ATP11A: variants seen among roughly 807,000 people sequenced by gnomAD.
ATP11A encodes phospholipid-transporting ATPase IH.
A neutral mutation model predicts 154.4 loss-of-function variants in ATP11A; 81 were observed. That is an observed-to-expected ratio of 0.52 (90% confidence interval 0.44 to 0.63). The LOEUF is 0.63. ATP11A is among the 30% of genes least tolerant of loss of function. ATP11A has a pLI of 0.00. For synonymous variants in ATP11A, 623 were observed against 585.9 expected (o/e 1.06, Z -0.91); for missense variants, 1,316 against 1,474.3 (o/e 0.89, Z 1.76).
intron 1 of ATP11A, among the ~76,000 whole-genome samples, chr13:112,782,384 A>G (rs2140013637): frequency 6.6e-6 from 1 of 152,286 alleles, no homozygotes; most frequent in East Asian, 1.9e-4. Flanking sequence ...CTTCGAAGAA[A>G]GTTTCTAGGA....
intron 1 of ATP11A, among the ~76,000 whole-genome samples, chr13:112,693,427 G>A (rs1343434555): frequency 6.6e-6 from 1 of 150,990 alleles, no homozygotes; most frequent in Admixed American, 6.6e-5. Context: ...GGCGTGAGGT[G>A]GTGTATGCTC....
chr13:112,759,927 C>T (rs2076926800), intron 1 of ATP11A, among the ~76,000 whole-genome samples: 1 of 152,100 alleles, frequency 6.6e-6, no homozygotes, highest in Non-Finnish European at 1.5e-5. Context: ...AAAGTGCATG[C>T]AACAGAAAGC....
At position 112,722,727 on chromosome 13, in the gene ATP11A, A is replaced by C. The variant is rs562139700; in HGVS notation, c.39+32272A>C. Among the ~76,000 whole-genome samples, 199 of 152,310 alleles carry C rather than the reference A, an allele frequency of 1.3e-3. 2 individuals carry two copies. Among genetic ancestry groups the C allele is most frequent in the South Asian group, 0.01 (49 of 4,830 alleles). On this transcript the variant is annotated intron_variant, in intron 1 of 29. Transcript: ENST00000375645. The stretch of plus-strand genomic sequence containing the variant: ...ACTTTAGAAAGATTTATTCTGAGAC[A>C]ATATGAGTGGCCGTGGCTTGGAAAA...
chr13:112,873,564 TCC>T lies in ATP11A; in HGVS notation c.3058-8_3058-7del, dbSNP rs1594246687. 85 of 1,583,194 alleles carry T rather than the reference TCC, an allele frequency of 5.4e-5. No homozygotes were observed. Among genetic ancestry groups the T allele is most frequent in the Admixed American group, 3.2e-4 (17 of 53,082 alleles). ...ACACCGTTAACTGCCCTTTTTTTTT[TCC>T]TTTTAGCTTGCATTGGACACACACT... On this transcript the variant is annotated splice_polypyrimidine_tract_variant and splice_region_variant and intron_variant, in intron 26 of 29. Coordinates refer to ENST00000375645, the MANE Select transcript of ATP11A (RefSeq NM_015205.3).
At chr13:112,796,459 C>A (rs185982922) in intron 2 of ATP11A, among the ~76,000 whole-genome samples, 1 of 152,138 alleles carries the variant, frequency 6.6e-6, no homozygotes, top group Non-Finnish European at 1.5e-5. Flanking sequence ...ACAGACTGTC[C>A]GAGCTACGAC....
intron 1 of ATP11A, among the ~76,000 whole-genome samples, chr13:112,723,246 C>T (rs540555110): frequency 2.0e-5 from 3 of 149,216 alleles, no homozygotes; most frequent in African/African-American, 5.0e-5. Context: ...GGCTTTATCA[C>T]GCAGATGATG....
chr13:112,770,105 C>G (rs997335456), intron 1 of ATP11A, among the ~76,000 whole-genome samples: 25 of 152,222 alleles, frequency 1.6e-4, no homozygotes, highest in African/African-American at 6.0e-4. Flanking sequence ...TGTGTCTCGA[C>G]TCTTAGGAAG....
chr13:112,834,167 C>T (rs1230388767), intron 14 of ATP11A, among the ~76,000 whole-genome samples: 1 of 152,242 alleles, frequency 6.6e-6, no homozygotes, highest in Non-Finnish European at 1.5e-5. Flanking sequence ...GTCAGTGACT[C>T]AAGGGCCTTG....
chr13:112,806,150 A>C, intron 3 of ATP11A, 63 bp from the exon 4 acceptor site: 1 of 1,338,082 alleles, frequency 7.5e-7, no homozygotes, highest in Non-Finnish European at 1.1e-6. Flanking sequence ...AGGGCAAACT[A>C]ACCTGCCTGA....
chr13:112,833,060 A>T (rs1339378297), intron 14 of ATP11A, 37 bp downstream of exon 14: 1 of 1,590,772 alleles, frequency 6.3e-7, no homozygotes. Context: ...GGGTTTCCTG[A>T]TGTGACTCAG....
intron 17 of ATP11A, 132 bp from the exon 18 acceptor site, chr13:112,850,905 A>G (rs2079745005): frequency 6.5e-6 from 5 of 765,444 alleles, no homozygotes; most frequent in African/African-American, 3.5e-5. Context: ...TTAGTACTGT[A>G]AGTTTTGAAA....
At chr13:112,856,159 C>A in intron 20 of ATP11A, 74 bp downstream of exon 20, 1 of 1,428,320 alleles carries the variant, frequency 7.0e-7, no homozygotes. Context: ...TAGGTCTCAC[C>A]GCCTCAGATT....
chr13:112,855,539 C>T (rs1409235190), intron 19 of ATP11A, among the ~76,000 whole-genome samples: 1 of 152,136 alleles, frequency 6.6e-6, no homozygotes, highest in Non-Finnish European at 1.5e-5. Context: ...CAACTTAGGT[C>T]ATCCAGGCAG....
At chr13:112,772,506 A>G (rs550616541) in intron 1 of ATP11A, among the ~76,000 whole-genome samples, 61 of 152,108 alleles carry the variant, frequency 4.0e-4, no homozygotes, top group African/African-American at 1.4e-3. Flanking sequence ...CATCACCACA[A>G]TCTAATTTTA....
chr13:112,724,317 C>T (rs1234124985), intron 1 of ATP11A, among the ~76,000 whole-genome samples: 1 of 151,892 alleles, frequency 6.6e-6, no homozygotes, highest in African/African-American at 2.4e-5. Flanking sequence ...ACCACCTACA[C>T]TTCTGAGCAC....
intron 28 of ATP11A, 131 bp from the exon 29 acceptor site, chr13:112,878,086 T>G: frequency 2.4e-6 from 2 of 847,988 alleles, no homozygotes; most frequent in Non-Finnish European, 3.9e-6. Flanking sequence ...GTGGCGAGCC[T>G]CTGACTAACT....
intron 1 of ATP11A, among the ~76,000 whole-genome samples, chr13:112,766,420 C>T (rs1594605391): frequency 6.6e-6 from 1 of 152,282 alleles, no homozygotes; most frequent in Middle Eastern, 3.4e-3. Flanking sequence ...GGGAGAAGCC[C>T]CTCACCCAGA....
At chr13:112,820,018 C>T (rs1468052741) in intron 8 of ATP11A, 68 bp downstream of exon 8, 15 of 1,439,326 alleles carry the variant, frequency 1.0e-5, no homozygotes, top group South Asian at 4.1e-5. Context: ...CATTCTTTGA[C>T]GGACAAGGGT....
At chr13:112,774,072 G>A (rs1327556366) in intron 1 of ATP11A, among the ~76,000 whole-genome samples, 1 of 152,256 alleles carries the variant, frequency 6.6e-6, no homozygotes, top group Non-Finnish European at 1.5e-5. Context: ...TCCCTCCTGT[G>A]TCTGGCGGAG....
Sources: gnomAD v4.1 joint callset for allele counts (sites outside exome capture counted in the v4.1 genomes callset) on GRCh38, gnomAD v4.1.1 for gene constraint, MANE v1.5 for transcripts, NCBI Gene and HGNC (gene_info 2026-07-23, HGNC 2026-07-21) for gene names.